The following RRAS2 variants were observed in gnomAD, a reference collection of about 807,000 sequenced individuals.
RRAS2 encodes RAS related 2.
A neutral mutation model predicts 27.6 loss-of-function variants in RRAS2; 7 were observed. The ratio of observed to expected loss-of-function variants is 0.25; its 90% CI spans 0.14 to 0.48. The LOEUF is 0.48. Ranked by LOEUF, RRAS2 falls within the 20% of genes least tolerant of loss-of-function variation. The pLI is 0.99. For synonymous variants in RRAS2, 86 were observed against 90.9 expected (o/e 0.95, Z 0.31); for missense variants, 178 against 256.2 (o/e 0.69, Z 2.08).
chr11:14,323,538 TC>T (rs1848276576), intron 1 of RRAS2, among the ~76,000 whole-genome samples: 1 of 150,888 alleles, frequency 6.6e-6, no homozygotes, highest in Non-Finnish European at 1.5e-5. Context: ...TTCCCCCTCT[TC>T]CCCCCACCGG....
chr11:14,307,768 T>C (rs1247451004), intron 1 of RRAS2, among the ~76,000 whole-genome samples: 1 of 152,226 alleles, frequency 6.6e-6, no homozygotes, highest in Non-Finnish European at 1.5e-5. Flanking sequence ...AAACTGCTAC[T>C]GCCAAATAGA....
chr11:14,339,459 C>T (rs368221714), intron 1 of RRAS2, among the ~76,000 whole-genome samples: 1 of 152,134 alleles, frequency 6.6e-6, no homozygotes, highest in African/African-American at 2.4e-5. Flanking sequence ...TTGCCAGATT[C>T]TAGGATCAAA....
At position 14,278,843 on chromosome 11, in the gene RRAS2, T is replaced by A. The variant is rs576018206; in HGVS notation, c.*494A>T. Reference sequence around the variant, plus strand: ...TTGTAGTATCAGTAAAGGTCTGAGATGGTTCACTTTTGTAGATTCAATTCA... The same window carrying A: ...TTGTAGTATCAGTAAAGGTCTGAGAAGGTTCACTTTTGTAGATTCAATTCA... On this transcript the variant is annotated 3_prime_UTR_variant, in exon 6 of 6. Coordinates refer to ENST00000256196, the MANE Select transcript of RRAS2 (RefSeq NM_012250.6). 1 of 154,378 alleles carries A rather than the reference T, an allele frequency of 6.5e-6. No individual in the cohort carries two copies. The highest frequency in any genetic ancestry group is 2.4e-5 in the African/African-American group (1 of 41,448). 9.6% of individuals were successfully genotyped at this position (154,378 alleles called of 1,614,324 possible). A position where few individuals can be genotyped will look rare whatever the true frequency, so the allele number is the denominator to read the frequency against.
chr11:14,323,721 CATT>C (rs1848281308), intron 1 of RRAS2, among the ~76,000 whole-genome samples: 1 of 151,922 alleles, frequency 6.6e-6, no homozygotes, highest in Non-Finnish European at 1.5e-5. Context: ...CAGACAAGAA[CATT>C]ATTAAAAAAT....
chr11:14,332,032 C>T (rs1189208227), intron 1 of RRAS2, among the ~76,000 whole-genome samples: 1 of 152,138 alleles, frequency 6.6e-6, no homozygotes, highest in Non-Finnish European at 1.5e-5. Flanking sequence ...TACCCAGTAT[C>T]GGTAAAGACC....
In RRAS2 at chr11:14,328,949, C is replaced by G. The variant is rs148318081; in HGVS notation, c.108+29814G>C. On this transcript the variant is annotated intron_variant, in intron 1 of 5. Coordinates refer to ENST00000256196, the MANE Select transcript of RRAS2 (RefSeq NM_012250.6). The stretch of plus-strand genomic sequence containing the variant: ...AAAGTGCTGGGATTACAAGTGTGAG[C>G]AACTATGCCCGGCACATACACCAAA... 3.3e-3 allele frequency among the ~76,000 whole-genome samples: 497 copies of G among 150,604 alleles called. 9 individuals carry two copies. In the East Asian group the frequency reaches 0.041, roughly 12 times the overall value.
At chr11:14,285,228 C>T (rs1387037292) in intron 4 of RRAS2, among the ~76,000 whole-genome samples, 4 of 152,060 alleles carry the variant, frequency 2.6e-5, no homozygotes, top group Non-Finnish European at 4.4e-5. Context: ...TCAAATGATA[C>T]CATACCAATT....
intron 1 of RRAS2, among the ~76,000 whole-genome samples, chr11:14,303,320 G>GTTAA (rs1283799404): frequency 6.6e-6 from 1 of 152,140 alleles, no homozygotes; most frequent in Non-Finnish European, 1.5e-5. Flanking sequence ...GATATACTGA[G>GTTAA]TTAAACTCAA....
chr11:14,325,334 C>A (rs1312952651), intron 1 of RRAS2, among the ~76,000 whole-genome samples: 23 of 136,268 alleles, frequency 1.7e-4, no homozygotes, highest in African/African-American at 6.3e-4. Flanking sequence ...TTTTTTGAGA[C>A]AGAGTCTCGC....
intron 1 of RRAS2, among the ~76,000 whole-genome samples, chr11:14,303,184 T>C (rs1396484454): frequency 6.6e-6 from 1 of 152,208 alleles, no homozygotes; most frequent in African/African-American, 2.4e-5. Context: ...GTCTTATTAG[T>C]AATAAGTTGT....
At chr11:14,320,022 T>C (rs1336644728) in intron 1 of RRAS2, among the ~76,000 whole-genome samples, 2 of 152,126 alleles carry the variant, frequency 1.3e-5, no homozygotes, top group Non-Finnish European at 2.9e-5. Flanking sequence ...AGAAGAAAAA[T>C]GTCACCATGA....
At chr11:14,300,129 A>T (rs1314635802) in intron 1 of RRAS2, among the ~76,000 whole-genome samples, 4 of 152,202 alleles carry the variant, frequency 2.6e-5, no homozygotes, top group African/African-American at 4.8e-5. Flanking sequence ...AAGGGCTCAA[A>T]AGAGTACACT....
At chr11:14,294,610 T>C in intron 3 of RRAS2, 31 bp from the exon 4 acceptor site, 1 of 1,526,046 alleles carries the variant, frequency 6.6e-7, no homozygotes, top group Middle Eastern at 1.7e-4. Context: ...AACAAATTAA[T>C]CAATTTGGTC....
At chr11:14,357,922 A>T (rs1849117037) in intron 1 of RRAS2, among the ~76,000 whole-genome samples, 2 of 152,230 alleles carry the variant, frequency 1.3e-5, no homozygotes, top group South Asian at 4.1e-4. Context: ...CTAAGAAGGA[A>T]GAATACCACC....
intron 1 of RRAS2, among the ~76,000 whole-genome samples, chr11:14,306,075 A>C (rs1257712088): frequency 1.5e-5 from 2 of 133,736 alleles, no homozygotes; most frequent in African/African-American, 5.0e-5. Flanking sequence ...ACAAAAAAAG[A>C]ATTTTTTTTT....
intron 1 of RRAS2, among the ~76,000 whole-genome samples, chr11:14,296,417 G>A: frequency 6.6e-6 from 1 of 151,940 alleles, no homozygotes; most frequent in East Asian, 1.9e-4. Flanking sequence ...TCTGAAATAT[G>A]CAAGACTGTA....
chr11:14,360,523 C>T (rs576440695), upstream of RRAS2, among the ~76,000 whole-genome samples: 146 of 152,236 alleles, frequency 9.6e-4, 1 homozygote, highest in African/African-American at 3.3e-3. Flanking sequence ...ACCTCAGCCT[C>T]CCTAGCAGCT....
chr11:14,286,880 A>G (rs1368870751), intron 4 of RRAS2, among the ~76,000 whole-genome samples: 1 of 152,272 alleles, frequency 6.6e-6, no homozygotes, highest in African/African-American at 2.4e-5. Context: ...GAAGCCGAGT[A>G]AACACAGAAA....
At position 14,358,935 on chromosome 11, in the gene RRAS2, T is replaced by C. The variant is rs1377186406; in HGVS notation, c.-65A>G. ...CGCTGCCGCCCGCCCTAGGCCCGGC[T>C]CCGGGGACGTGTGCGGCCGGCGGGC... On this transcript the variant is annotated 5_prime_UTR_variant, in exon 1 of 6. Transcript: ENST00000256196. This position sits in a 1 kb window ranked among gnomAD's most constrained non-coding sequence, Gnocchi z 5.1. The C allele has an allele frequency of 8.4e-7, 1 of 1,193,606 alleles. No individual in the cohort carries two copies. Among genetic ancestry groups the C allele is most frequent in the Non-Finnish European group, 1.0e-6 (1 of 962,410 alleles). 73.9% of individuals were successfully genotyped at this position (1,193,606 alleles called of 1,614,324 possible). A position where few individuals can be genotyped will look rare whatever the true frequency, so the allele number is the denominator to read the frequency against.
Sources: allele counts gnomAD v4.1 joint callset (sites outside exome capture counted in the v4.1 genomes callset), GRCh38; gene constraint gnomAD v4.1.1; non-coding constraint Gnocchi (gnomAD v3.1); transcripts MANE v1.5; gene names NCBI Gene and HGNC (gene_info 2026-07-23, HGNC 2026-07-21).